CSMD1: variants seen among roughly 807,000 people sequenced by gnomAD.
CSMD1 encodes CUB and Sushi multiple domains 1.
A neutral mutation model predicts 417.5 loss-of-function variants in CSMD1; 213 were observed. The ratio of observed to expected loss-of-function variants is 0.51; its 90% confidence interval spans 0.46 to 0.57. CSMD1 has a LOEUF of 0.57. Among genes scored for constraint, CSMD1 ranks in the 20% least tolerant of loss-of-function variants. The pLI is 0.00. For synonymous variants in CSMD1, 2,862 were observed against 1,736.8 expected (o/e 1.65, Z -16.11); for missense variants, 6,923 against 4,529.7 (o/e 1.53, Z -15.17).
chr8:3,570,481 C>A (rs1053504187), intron 10 of CSMD1, among the ~76,000 whole-genome samples: 1 of 152,196 alleles, frequency 6.6e-6, no homozygotes, highest in Non-Finnish European at 1.5e-5. Context: ...TTTCATTAAA[C>A]ATGACCAAAT....
At chr8:4,434,935 G>T (rs769856956) in intron 2 of CSMD1, among the ~76,000 whole-genome samples, 1 of 152,146 alleles carries the variant, frequency 6.6e-6, no homozygotes, top group Admixed American at 6.5e-5. Context: ...AGTGACAACA[G>T]ATGTTAAAAC....
chr8:4,761,887 CT>C (rs1563319296), intron 1 of CSMD1, among the ~76,000 whole-genome samples: 61 of 69,318 alleles, frequency 8.8e-4, no homozygotes, highest in South Asian at 8.8e-3. Context: ...ATCTATCTAT[CT>C]ACCTACCTAT....
At chr8:3,285,097 T>A (rs770455842) in intron 25 of CSMD1, among the ~76,000 whole-genome samples, 2 of 152,146 alleles carry the variant, frequency 1.3e-5, no homozygotes, top group Admixed American at 6.5e-5. Context: ...CAACAAAAAT[T>A]AGCAGCCCTG....
intron 5 of CSMD1, among the ~76,000 whole-genome samples, chr8:3,932,508 C>T (rs1195924736): frequency 6.6e-6 from 1 of 150,482 alleles, no homozygotes; most frequent in Non-Finnish European, 1.5e-5. Flanking sequence ...GGGAAAGCAG[C>T]AGATGTTAGC....
At chr8:4,794,296 G>T (rs556016069) in intron 1 of CSMD1, among the ~76,000 whole-genome samples, 5 of 152,032 alleles carry the variant, frequency 3.3e-5, no homozygotes, top group Non-Finnish European at 7.4e-5. Flanking sequence ...TGATATTCTT[G>T]CAATTTTTGT....
intron 2 of CSMD1, among the ~76,000 whole-genome samples, chr8:4,539,920 A>T (rs1481010118): frequency 6.6e-6 from 1 of 152,038 alleles, no homozygotes; most frequent in African/African-American, 2.4e-5. Context: ...TCAGGGCTGG[A>T]TTTCTCTTCC....
intron 5 of CSMD1, among the ~76,000 whole-genome samples, chr8:3,950,402 C>A (rs1472335955): frequency 6.6e-6 from 1 of 152,166 alleles, no homozygotes; most frequent in Non-Finnish European, 1.5e-5. Context: ...AATCGGCCTA[C>A]GGGTCAATGT....
chr8:4,019,081 T>C (rs1796659892), intron 4 of CSMD1, among the ~76,000 whole-genome samples: 1 of 152,220 alleles, frequency 6.6e-6, no homozygotes. Context: ...CTAGAAATTG[T>C]CTATATCTGG....
intron 5 of CSMD1, among the ~76,000 whole-genome samples, chr8:3,937,859 A>G (rs1039024405): frequency 2.0e-5 from 3 of 152,176 alleles, no homozygotes; most frequent in Non-Finnish European, 4.4e-5. Context: ...AAATTCAAAT[A>G]TTACTCGAAT....
At chr8:3,394,017 TATATATATATATATATA>T (rs1811522987) in intron 17 of CSMD1, among the ~76,000 whole-genome samples, 5 of 77,208 alleles carry the variant, frequency 6.5e-5, no homozygotes, top group African/African-American at 2.2e-4. Context: ...ATAAATTATA[TATATATATATATATATA>T]TATATATATA....
intron 9 of CSMD1, among the ~76,000 whole-genome samples, chr8:3,581,341 G>A (rs577038715): frequency 8.5e-5 from 13 of 152,168 alleles, no homozygotes; most frequent in African/African-American, 2.2e-4. Flanking sequence ...TGAAGTAAGC[G>A]TAATTCCAAA....
chr8:3,491,174 A>G (rs1585243747), intron 11 of CSMD1, among the ~76,000 whole-genome samples: 1 of 152,276 alleles, frequency 6.6e-6, no homozygotes, highest in South Asian at 2.1e-4. Context: ...AAGACTGTCA[A>G]AGGGAACCAG....
chr8:3,835,001 G>C (rs901063509), intron 5 of CSMD1, among the ~76,000 whole-genome samples: 1 of 152,122 alleles, frequency 6.6e-6, no homozygotes, highest in East Asian at 1.9e-4. Context: ...AGAAATGCAA[G>C]TCAAAACCAC....
intron 3 of CSMD1, among the ~76,000 whole-genome samples, chr8:4,106,967 C>A (rs764543861): frequency 3.4e-4 from 52 of 152,186 alleles, no homozygotes; most frequent in Non-Finnish European, 7.1e-4. Flanking sequence ...AGAAGCTCTA[C>A]GTCAGAGACT....
chr8:4,088,693 G>A (rs925245899), intron 3 of CSMD1, among the ~76,000 whole-genome samples: 1 of 151,858 alleles, frequency 6.6e-6, no homozygotes, highest in South Asian at 2.1e-4. Flanking sequence ...TCAGTTCATT[G>A]CAATCAGCTC....
intron 7 of CSMD1, among the ~76,000 whole-genome samples, chr8:3,626,672 G>A (rs1483341549): frequency 2.0e-5 from 3 of 151,276 alleles, no homozygotes; most frequent in Non-Finnish European, 4.4e-5. Flanking sequence ...TTCAGGATAA[G>A]TACATTCCAA....
At chr8:4,556,167 A>G (rs977961580) in intron 2 of CSMD1, among the ~76,000 whole-genome samples, 10 of 152,198 alleles carry the variant, frequency 6.6e-5, no homozygotes, top group South Asian at 2.1e-4. Flanking sequence ...CAATTTTTGT[A>G]TTAATTCTTT....
intron 3 of CSMD1, among the ~76,000 whole-genome samples, chr8:4,160,366 A>C (rs1477105993): frequency 6.6e-6 from 1 of 152,218 alleles, no homozygotes; most frequent in Non-Finnish European, 1.5e-5. Flanking sequence ...AATGAAGCCA[A>C]CTTTGGAAAT....
chr8:3,015,229 T>C (rs1408463644), intron 52 of CSMD1, among the ~76,000 whole-genome samples: 2 of 152,164 alleles, frequency 1.3e-5, no homozygotes, highest in South Asian at 2.1e-4. Flanking sequence ...TTCCAGTTTG[T>C]GGTGGATTTG....
Sources: allele counts gnomAD v4.1 joint callset (sites outside exome capture counted in the v4.1 genomes callset), GRCh38; gene constraint gnomAD v4.1.1; transcripts MANE v1.5; gene names NCBI Gene and HGNC (gene_info 2026-07-23, HGNC 2026-07-21).